Variants in OASL observed in about 807,000 individuals in gnomAD.
The protein encoded by OASL is 2'-5'-oligoadenylate synthetase like, also known as 2'-5'-oligoadenylate synthase-like protein.
A neutral mutation model predicts 35.3 loss-of-function variants in OASL; 28 were observed. The ratio of observed to expected loss-of-function variants is 0.79; its 90% CI spans 0.59 to 1.09. The LOEUF (loss-of-function observed/expected upper bound fraction) is 1.09. OASL is among the 50% of genes least tolerant of loss of function. The probability of loss-of-function intolerance (pLI) is 0.00; values close to 1 mark genes in which losing one functional copy is unlikely to be tolerated. For missense variants in OASL, 620 were observed against 635.2 expected (o/e 0.98, Z 0.26); for synonymous variants, 252 against 254.6 (o/e 0.99, Z 0.10).
At chr12:121,024,030 T>C (rs1204628944) in exon 5 of OASL, 1 of 1,614,126 alleles carries the variant, frequency 6.2e-7, no homozygotes. Context: ...CCTGTTGTCA[T>C]AGCAACAGTC....
chr12:121,023,799 A>G, intron 5 of OASL, 191 bp downstream of exon 5: 1 of 545,214 alleles, frequency 1.8e-6, no homozygotes, highest in East Asian at 2.9e-5. Context: ...ATTTGAAGGT[A>G]AGAAACCCAA....
chr12:121,034,398 C>A (rs989423729), intron 1 of OASL, among the ~76,000 whole-genome samples: 6 of 152,138 alleles, frequency 3.9e-5, no homozygotes, highest in African/African-American at 1.4e-4. Context: ...AACTCCTGGA[C>A]TCAAGCGATT....
At chr12:121,027,487 C>T (rs532967099) in intron 4 of OASL, 89 bp downstream of exon 4, 11 of 1,567,120 alleles carry the variant, frequency 7.0e-6, no homozygotes, top group Non-Finnish European at 9.5e-6. Context: ...CTGCTTAATA[C>T]AGCCAATCCA....
At chr12:121,023,297 T>TC (rs1869326712) in intron 5 of OASL, among the ~76,000 whole-genome samples, 3 of 148,572 alleles carry the variant, frequency 2.0e-5, no homozygotes, top group East Asian at 2.0e-4. Flanking sequence ...CTTTTTTTCT[T>TC]TTTTTTTTGA....
chr12:121,037,529 C>A (rs1202022603), intron 1 of OASL, among the ~76,000 whole-genome samples: 2 of 152,090 alleles, frequency 1.3e-5, no homozygotes, highest in Non-Finnish European at 2.9e-5. Context: ...AATCCCAGCA[C>A]TTTGGGAGGC....
exon 4 of OASL, chr12:121,027,800 G>C (rs1298847228): frequency 6.2e-7 from 1 of 1,613,720 alleles, no homozygotes; most frequent in African/African-American, 1.3e-5. Flanking sequence ...TGGCTCTGGG[G>C]GACCTGGCTT....
chr12:121,034,881 G>C lies in OASL; in HGVS notation c.199-1138C>G, dbSNP rs1355204854. 2.6e-5 allele frequency among the ~76,000 whole-genome samples: 4 copies of C among 152,128 alleles called. No individual in the cohort carries two copies. In the East Asian group the frequency reaches 7.7e-4, roughly 29 times the overall value. On this transcript the variant is annotated intron_variant, in intron 1 of 5. Coordinates refer to ENST00000257570, the Ensembl canonical transcript of OASL. ...GACTTAGACAATCTCTTCTGCTGCC[G>C]GGGGGTCAGTTTTCCTGTTAGTAAT... is the stretch of plus-strand genomic sequence containing the variant.
chr12:121,030,153 G>A (rs1476776808), intron 3 of OASL, among the ~76,000 whole-genome samples: 3 of 152,134 alleles, frequency 2.0e-5, no homozygotes, highest in African/African-American at 7.2e-5. Context: ...GAAATTACAG[G>A]CGTGAGCTAC....
At chr12:121,032,949 G>A (rs371590649) in intron 2 of OASL, among the ~76,000 whole-genome samples, 17 of 151,630 alleles carry the variant, frequency 1.1e-4, no homozygotes, top group East Asian at 7.8e-4. Context: ...TTTTTGAGAC[G>A]GAGTCTTGCT....
rs146525977 is a variant in OASL at position 121,024,436 on chromosome 12, G to A, written c.900-299C>T. Among the ~76,000 whole-genome samples the A allele has an allele frequency of 6.6e-5, 10 of 152,204 alleles. No individual in the cohort carries two copies. In the East Asian group the frequency reaches 9.6e-4, roughly 15 times the overall value. The stretch of plus-strand genomic sequence containing the variant: ...GTTCAAGACCAGCCTGGCCAACGTG[G>A]TGAAACCCTGTCTCTACTAAAAATA... On this transcript the variant is annotated intron_variant, in intron 4 of 5. Coordinates refer to ENST00000257570, the Ensembl canonical transcript of OASL.
rs201834606 is a variant in OASL at position 121,023,294 on chromosome 12, TC to T, written c.1047+695del. On this transcript the variant is annotated intron_variant, in intron 5 of 5. Transcript: ENST00000257570. ...GTGGTGTCTTTTTTTTTTCTTTTTTTCTTTTTTTTTTGAGGCAGAGTTTCCC... is the reference window on the plus strand; with the variant it reads ...GTGGTGTCTTTTTTTTTTCTTTTTTTTTTTTTTTTTGAGGCAGAGTTTCCC... 8.2e-4 allele frequency among the ~76,000 whole-genome samples: 113 copies of T among 137,868 alleles called. 11 individuals are homozygous for T. The highest frequency in any genetic ancestry group is 1.9e-3 in the African/African-American group (72 of 38,778). 90.4% of individuals were successfully genotyped at this position (137,868 alleles called of 152,430 possible).
chr12:121,036,132 G>T (rs1380926475), intron 1 of OASL, among the ~76,000 whole-genome samples: 1 of 152,140 alleles, frequency 6.6e-6, no homozygotes. Flanking sequence ...CAAAGTGCTG[G>T]GATTACAGGC....
chr12:121,038,886 C>CA lies in OASL; in HGVS notation c.85dup (p.Trp29LeufsTer144), dbSNP rs1180177235. ...CACAGCGTCTAGCACCTCTTCCTTC[C>CA]ACTCCCGGTGGGGCTGCAGCCACTG... On this transcript the variant is annotated frameshift_variant, in exon 1 of 6. Coordinates refer to ENST00000257570, the Ensembl canonical transcript of OASL. LOFTEE classifies it high-confidence loss of function. The CA allele has an allele frequency of 6.2e-7, 1 of 1,614,154 alleles. No individual in the cohort carries two copies. The highest frequency in any genetic ancestry group is 8.5e-7 in the Non-Finnish European group (1 of 1,180,020).
intron 3 of OASL, among the ~76,000 whole-genome samples, chr12:121,028,894 G>A (rs573748807): frequency 7.5e-4 from 113 of 151,578 alleles, no homozygotes; most frequent in African/African-American, 2.2e-3. Context: ...GTGAAACCCC[G>A]TCTCTACTAA....
chr12:121,034,452 A>G (rs1422699173), intron 1 of OASL, among the ~76,000 whole-genome samples: 1 of 152,142 alleles, frequency 6.6e-6, no homozygotes, highest in African/African-American at 2.4e-5. Flanking sequence ...TATCTACTAC[A>G]CTGCATTGCT....
exon 4 of OASL, chr12:121,027,719 C>G: frequency 6.2e-7 from 1 of 1,614,208 alleles, no homozygotes; most frequent in Non-Finnish European, 8.5e-7. Context: ...ACATGAAATT[C>G]TCGTCTTCTT....
chr12:121,038,929 G>C, exon 1 of OASL: 1 of 1,614,176 alleles, frequency 6.2e-7, no homozygotes. Flanking sequence ...AAGGAGTCCA[G>C]CCTGGAGGCT....
At chr12:121,039,071 G>T in exon 1 of OASL, 2 of 934,626 alleles carry the variant, frequency 2.1e-6, no homozygotes, top group Non-Finnish European at 1.6e-6. Context: ...CTCCTCAGCT[G>T]CCCTCCAGTG....
At chr12:121,023,287 C>CTTTTTTTTTTTTT (rs768266698) in intron 5 of OASL, among the ~76,000 whole-genome samples, 13 of 123,254 alleles carry the variant, frequency 1.1e-4, no homozygotes, top group South Asian at 2.5e-4. Context: ...TTTTTTTTTT[C>CTTTTTTTTTTTTT]TTTTTTTCTT....
Sources: gnomAD v4.1 joint callset for allele counts (sites outside exome capture counted in the v4.1 genomes callset) on GRCh38, gnomAD v4.1.1 for gene constraint, MANE v1.5 for transcripts, NCBI Gene and HGNC (gene_info 2026-07-23, HGNC 2026-07-21) for gene names.